The following AKAP17A variants were observed in gnomAD, a reference collection of about 807,000 sequenced individuals.
AKAP17A encodes the protein A-kinase anchoring protein 17A.
A neutral mutation model predicts 52.2 loss-of-function variants in AKAP17A; 15 were observed. The ratio of observed to expected loss-of-function variants is 0.29; its 90% CI spans 0.19 to 0.44. AKAP17A has a LOEUF of 0.44. Ranked by LOEUF, AKAP17A falls within the 20% of genes least tolerant of loss-of-function variation. The pLI, the probability that AKAP17A is intolerant of heterozygous loss-of-function variation, is 1.00. For missense variants in AKAP17A, 1,060 were observed against 1,007.0 expected, an observed-to-expected ratio of 1.05 and a Z score of -0.71; for synonymous variants, 514 against 424.7, an observed-to-expected ratio of 1.21 and a Z score of -2.58.
Position 1,600,679 on chromosome X carries a change from G to C in AKAP17A, c.1173G>C (p.Gln391His), listed in dbSNP as rs759722690. The part of the protein sequence containing the change: ...SRAKAVKLRE[Q>H]EQKEEKLRLQ... ...CGCAGGCTGTGAAGCTACGGGAACA[G>C]GAGCAGAAGGAGGAGAAGCTGAGGC... Residue 391 changes from glutamine to histidine, a missense_variant, in exon 5 of 5, where the codon CAG (glutamine) becomes CAC (histidine). Transcript: ENST00000313871. The C allele has an allele frequency of 1.9e-6, 3 of 1,543,418 alleles. No homozygotes were observed. Among genetic ancestry groups the C allele is most frequent in the African/African-American group, 1.4e-5 (1 of 73,026 alleles).
intron 3 of AKAP17A, among the ~76,000 whole-genome samples, chrX:1,597,020 A>G (rs1460556893): frequency 9.2e-5 from 14 of 152,180 alleles, no homozygotes; most frequent in African/African-American, 3.4e-4. Context: ...TGTCGCCGAT[A>G]TCAAGTCTGG....
chrX:1,595,401 C>G lies in AKAP17A; in HGVS notation c.780C>G (p.Thr260=), dbSNP rs1209629999. Residue 260 remains threonine, a synonymous_variant, in exon 3 of 5, where the codon ACC becomes ACG. Coordinates refer to ENST00000313871, the MANE Select transcript of AKAP17A (RefSeq NM_005088.3). ...TTTTAAAGGTTTCTTTTGATTCGAC[C>G]AAACACCTGAGTGATGCCTCAATTA... ...ACNIKVSFDS[T]KHLSDASIKK... 1.9e-6 allele frequency: 3 copies of G among 1,613,866 alleles called. No homozygotes were observed. The highest frequency in any genetic ancestry group is 2.7e-5 in the African/African-American group (2 of 74,946).
chrX:1,597,828 CG>C (rs1462513838), intron 3 of AKAP17A, among the ~76,000 whole-genome samples: 1 of 151,880 alleles, frequency 6.6e-6, no homozygotes, highest in Non-Finnish European at 1.5e-5. Flanking sequence ...TTGGGGGAAG[CG>C]GGGCCGGGCC....
chrX:1,599,914 G>C, intron 4 of AKAP17A: 1 of 538,156 alleles, frequency 1.9e-6, no homozygotes, highest in South Asian at 2.0e-5. Flanking sequence ...GCGTGAACCT[G>C]ACAGGTCTCA....
rs1343333232 is a variant in AKAP17A at position 1,600,682 on chromosome X, G to T, written c.1176G>T (p.Glu392Asp). Residue 392 changes from glutamate to aspartate, a missense_variant, in exon 5 of 5, where the codon GAG becomes GAT. This residue lies in a region of AKAP17A where 793 missense variants were observed against 629.9 expected (regional missense o/e 1.26). Transcript: ENST00000313871. ...AGGCTGTGAAGCTACGGGAACAGGA[G>T]CAGAAGGAGGAGAAGCTGAGGCTCC... Reference protein sequence around the residue: ...RAKAVKLREQEQKEEKLRLQQ... With the variant: ...RAKAVKLREQDQKEEKLRLQQ... 4 of 1,544,144 alleles carry T rather than the reference G, an allele frequency of 2.6e-6. No homozygotes were observed. Among genetic ancestry groups the T allele is most frequent in the Non-Finnish European group, 3.5e-6 (4 of 1,145,204 alleles).
In AKAP17A at chrX:1,601,518, A is replaced by T; in HGVS notation, c.2012A>T (p.His671Leu). 6.7e-7 allele frequency: 1 copy of T among 1,503,548 alleles called. No homozygotes were observed. The highest frequency in any genetic ancestry group is 8.8e-7 in the Non-Finnish European group (1 of 1,136,686). 93.1% of individuals were successfully genotyped at this position (1,503,548 alleles called of 1,614,324 possible). ...RERRGSASRK[H>L]SRHRRRSERS... Reference sequence around the variant, plus strand: ...CGGAGGGGCAGCGCCAGCAGGAAGCACAGCCGCCACCGCCGCCGAAGCGAG... The same window carrying T: ...CGGAGGGGCAGCGCCAGCAGGAAGCTCAGCCGCCACCGCCGCCGAAGCGAG... The change falls in exon 5 of 5, where the codon CAC becomes CTC. Residue 671 changes from histidine (H) to leucine (L), a missense_variant. Physicochemically the swap from His to Leu is moderately conservative, Grantham distance 99. This residue lies in a region of AKAP17A where 793 missense variants were observed against 629.9 expected (regional missense o/e 1.26). Transcript: ENST00000313871.
intron 2 of AKAP17A, 84 bp downstream of exon 2, chrX:1,594,308 A>T: frequency 4.2e-6 from 6 of 1,440,966 alleles, no homozygotes; most frequent in Non-Finnish European, 4.6e-6. Context: ...GCTCCCAGCC[A>T]CACCCCTGAG....
rs753856524 is a variant in AKAP17A, at chrX:1,600,883, A to C, written c.1377A>C (p.Ala459=). 1 of 1,581,680 alleles carries C rather than the reference A, an allele frequency of 6.3e-7. No homozygotes were observed. ...DSHTHDELGV[A]HADLLQPVLD... ...ACACACACGACGAGCTGGGCGTGGCACACGCCGACCTGCTGCAGCCCGTCC... is the reference window on the plus strand; with the variant it reads ...ACACACACGACGAGCTGGGCGTGGCCCACGCCGACCTGCTGCAGCCCGTCC... Residue 459 remains alanine (A), a synonymous_variant, in exon 5 of 5, where the codon GCA becomes GCC. Coordinates refer to ENST00000313871, the MANE Select transcript of AKAP17A (RefSeq NM_005088.3).
In AKAP17A at chrX:1,595,234, TCTGCACCGGACATGAGTGGTGAGCG is replaced by T; in HGVS notation, c.763-149_763-125del. The T allele has an allele frequency of 9.5e-4, 173 of 182,070 alleles. 63 individuals are homozygous for T. Among genetic ancestry groups the T allele is most frequent in the Middle Eastern group, 5.5e-3 (2 of 362 alleles). The allele number at this position is 182,070 out of a possible 1,614,324, so 11.3% of individuals were successfully genotyped here. A position where few individuals can be genotyped will look rare whatever the true frequency, so the allele number is the denominator to read the frequency against. ...TGGCTTCTGGGCTCCACTGTCTGGG[TCTGCACCGGACATGAGTGGTGAGCG>T]GTGAGCGGTGAGCGGGCGCTCAGGC... On this transcript the variant is annotated intron_variant, in intron 2 of 4. Transcript: ENST00000313871.
intron 1 of AKAP17A, 49 bp from the exon 2 acceptor site, chrX:1,593,394 CG>C: frequency 1.9e-6 from 3 of 1,545,324 alleles, no homozygotes; most frequent in East Asian, 2.3e-5. Flanking sequence ...TCCTCATTGG[CG>C]GGGGAGGTGG....
At chrX:1,596,474 T>C (rs372993312) in intron 3 of AKAP17A, among the ~76,000 whole-genome samples, 8,809 of 34,312 alleles carry the variant, frequency 0.26, 969 homozygotes, top group African/African-American at 0.38. Context: ...CCTAGTGAGG[T>C]GGATTCCTCC....
intron 3 of AKAP17A, among the ~76,000 whole-genome samples, chrX:1,597,354 C>T (rs1161387098): frequency 2.6e-5 from 4 of 152,196 alleles, no homozygotes; most frequent in Non-Finnish European, 5.9e-5. Context: ...GGGCCCATGT[C>T]AGCCGTCAGG....
At chrX:1,598,187 G>C (rs1457940552) in intron 3 of AKAP17A, among the ~76,000 whole-genome samples, 1 of 151,592 alleles carries the variant, frequency 6.6e-6, no homozygotes, top group African/African-American at 2.4e-5. Context: ...CGAGCTCGTG[G>C]GGCGGTGACA....
chrX:1,593,096 A>G (rs1437391902), intron 1 of AKAP17A, among the ~76,000 whole-genome samples: 47 of 151,586 alleles, frequency 3.1e-4, no homozygotes, highest in Admixed American at 3.3e-4. Flanking sequence ...CCCCGTTCCT[A>G]CTTGACCTGT....
At chrX:1,599,096 G>A (rs1275475439) in intron 3 of AKAP17A, 96 bp from the exon 4 acceptor site, 38 of 1,529,600 alleles carry the variant, frequency 2.5e-5, no homozygotes, top group African/African-American at 8.3e-5. Flanking sequence ...TCGTTGGACC[G>A]TGGCCTGTTC....
In AKAP17A at chrX:1,601,645, C is replaced by A; in HGVS notation, c.*51C>A. On this transcript the variant is annotated 3_prime_UTR_variant, in exon 5 of 5. Transcript: ENST00000313871. ...TGTCCGGGAAAGACCAGGACCTGCT[C>A]GAGCCTCCTGGCCGCTCCTTGGCCG... The A allele has an allele frequency of 1.5e-6, 2 of 1,365,158 alleles. No individual in the cohort carries two copies. Among genetic ancestry groups the A allele is most frequent in the South Asian group, 3.6e-5 (2 of 54,956 alleles). The allele number at this position is 1,365,158 out of a possible 1,614,324, so 84.6% of individuals were successfully genotyped here.
intron 3 of AKAP17A, 52 bp from the exon 4 acceptor site, chrX:1,599,140 G>A: frequency 1.9e-6 from 3 of 1,596,138 alleles, no homozygotes; most frequent in Non-Finnish European, 2.6e-6. Context: ...TATGGTGTGT[G>A]GTGTGTTGGC....
chrX:1,600,782 G>T lies in AKAP17A; in HGVS notation c.1276G>T (p.Gly426Cys). 1 of 1,580,420 alleles carries T rather than the reference G, an allele frequency of 6.3e-7. No individual in the cohort carries two copies. The change falls in exon 5 of 5, where the codon GGC (glycine) becomes TGC (cysteine). Residue 426 changes from glycine to cysteine, a missense_variant. Coordinates refer to ENST00000313871, the MANE Select transcript of AKAP17A (RefSeq NM_005088.3). ...GGAGGAGGAGAAGGAGCGCGCGCTG[G>T]GCCTGCAGCGGAAAGAGCGGGAGCT... ...RVEEEKERAL[G>C]LQRKERELRE...
intron 3 of AKAP17A, among the ~76,000 whole-genome samples, chrX:1,597,607 C>T (rs1345919755): frequency 6.6e-6 from 1 of 151,764 alleles, no homozygotes; most frequent in African/African-American, 2.4e-5. Context: ...CTGAATGTGC[C>T]TGTCCACATT....
Sources: gnomAD v4.1 joint callset for allele counts (sites outside exome capture counted in the v4.1 genomes callset) on GRCh38, gnomAD v4.1.1 for gene constraint, gnomAD v4.1.1 regional missense constraint, MANE v1.5 for transcripts, NCBI Gene and HGNC (gene_info 2026-07-23, HGNC 2026-07-21) for gene names.